WDPCP: variants seen among roughly 807,000 people sequenced by gnomAD.
WDPCP encodes the protein WD repeat-containing and planar cell polarity effector protein fritz homolog.
In WDPCP, 71 loss-of-function variants were observed where a neutral mutation model predicts 93.1. That is an observed-to-expected ratio of 0.76 (90% CI 0.63 to 0.93). The LOEUF (loss-of-function observed/expected upper bound fraction) is 0.93, where lower values mean the gene tolerates loss of function less well. Among genes scored for constraint, WDPCP ranks in the 40% least tolerant of loss-of-function variants. The pLI, the probability that WDPCP is intolerant of heterozygous loss-of-function variation, is 0.00. For missense variants in WDPCP, 844 were observed against 887.4 expected (o/e 0.95, Z 0.62); for synonymous variants, 315 against 315.0 (o/e 1.00, Z 0.00).
intron 1 of WDPCP, among the ~76,000 whole-genome samples, chr2:63,820,852 A>T (rs778565007): frequency 4.6e-5 from 7 of 152,156 alleles, no homozygotes; most frequent in Non-Finnish European, 7.4e-5. Flanking sequence ...AGTAAAAAAA[A>T]CAACAAACAA....
At chr2:63,797,751 TAGA>T (rs1264616631) in intron 2 of WDPCP, among the ~76,000 whole-genome samples, 1 of 151,920 alleles carries the variant, frequency 6.6e-6, no homozygotes, top group African/African-American at 2.4e-5. Flanking sequence ...GAGGTAGGAA[TAGA>T]AGGTTTACTC....
intron 3 of WDPCP, among the ~76,000 whole-genome samples, chr2:63,632,608 A>G (rs560970363): frequency 1.4e-4 from 21 of 152,334 alleles, no homozygotes; most frequent in African/African-American, 5.0e-4. Context: ...TCAACAGCAG[A>G]CTTGAACAAG....
intron 17 of WDPCP, among the ~76,000 whole-genome samples, chr2:63,127,044 C>G (rs1325612611): frequency 6.6e-6 from 1 of 151,256 alleles, no homozygotes. Flanking sequence ...ATATAAAATA[C>G]TTTAGTGAAA....
chr2:63,817,703 C>CA (rs950732168), intron 1 of WDPCP, among the ~76,000 whole-genome samples: 14 of 151,928 alleles, frequency 9.2e-5, no homozygotes, highest in African/African-American at 2.9e-4. Flanking sequence ...CGTCCCTTTA[C>CA]AAAAAAAAGT....
At chr2:63,690,384 C>T (rs1408242303) in intron 2 of WDPCP, among the ~76,000 whole-genome samples, 1 of 152,118 alleles carries the variant, frequency 6.6e-6, no homozygotes, top group Non-Finnish European at 1.5e-5. Flanking sequence ...ATTCCTGATT[C>T]TGTGCTTTTT....
chr2:63,685,905 A>G (rs767945683), intron 2 of WDPCP, among the ~76,000 whole-genome samples: 1 of 152,228 alleles, frequency 6.6e-6, no homozygotes, highest in African/African-American at 2.4e-5. Context: ...ACAATTCAAC[A>G]TAACTTCATG....
upstream of WDPCP, among the ~76,000 whole-genome samples, chr2:63,830,760 C>A (rs1671180063): frequency 6.6e-6 from 1 of 152,088 alleles, no homozygotes. Context: ...CTTCCTTATT[C>A]TCTCTCAGTT....
chr2:63,199,892 G>C (rs1675769808), intron 14 of WDPCP, among the ~76,000 whole-genome samples: 1 of 152,200 alleles, frequency 6.6e-6, no homozygotes, highest in South Asian at 2.1e-4. Flanking sequence ...AGCAGCTCAT[G>C]AAAGCAGCCA....
In WDPCP at chr2:63,779,284, C is replaced by T. The variant is rs562148112; in HGVS notation, n.308+34338G>A. On this transcript the variant is annotated intron_variant and non_coding_transcript_variant, in intron 2 of 4. Coordinates refer to the WDPCP transcript ENST00000467687. The stretch of plus-strand genomic sequence containing the variant: ...AATGCTGGAACTGTTTTCCAAAACA[C>T]GTAACCTATCGTATAAATGACTACT... Among the ~76,000 whole-genome samples, 11 of 152,254 alleles carry T rather than the reference C, an allele frequency of 7.2e-5. No individual in the cohort carries two copies. The South Asian group carries it at 2.1e-3, about 29-fold the overall frequency.
At chr2:63,748,706 G>T (rs1421724824) in intron 2 of WDPCP, among the ~76,000 whole-genome samples, 1 of 152,058 alleles carries the variant, frequency 6.6e-6, no homozygotes, top group African/African-American at 2.4e-5. Flanking sequence ...TAGCTGGTAT[G>T]TGAAATACAT....
intron 10 of WDPCP, among the ~76,000 whole-genome samples, chr2:63,395,790 C>T (rs916430623): frequency 6.6e-6 from 1 of 152,040 alleles, no homozygotes; most frequent in African/African-American, 2.4e-5. Context: ...TGCAATGGCG[C>T]GATTTCGGCT....
At chr2:63,413,786 A>AAAACAAACAAAC (rs35156273) in intron 9 of WDPCP, among the ~76,000 whole-genome samples, 1 of 150,504 alleles carries the variant, frequency 6.6e-6, no homozygotes, top group Admixed American at 6.6e-5. Context: ...TCTGTCTCAA[A>AAAACAAACAAAC]AAACAAACAA....
intron 14 of WDPCP, among the ~76,000 whole-genome samples, chr2:63,246,467 A>G (rs539322398): frequency 2.0e-5 from 3 of 152,312 alleles, no homozygotes; most frequent in South Asian, 4.1e-4. Flanking sequence ...TAATTCAGCC[A>G]TGTGACCAGG....
chr2:63,796,384 C>T (rs1670618033), intron 2 of WDPCP, among the ~76,000 whole-genome samples: 1 of 152,236 alleles, frequency 6.6e-6, no homozygotes, highest in African/African-American at 2.4e-5. Flanking sequence ...CTTAAAAAGG[C>T]ATCTTCATAA....
chr2:63,840,807 G>C, the WDPCP span: 3 of 152,686 alleles, frequency 2.0e-5, no homozygotes, highest in Non-Finnish European at 4.4e-5. Context: ...TCCCACGCGC[G>C]GTATCCCCGC....
intron 2 of WDPCP, among the ~76,000 whole-genome samples, chr2:63,719,358 A>G (rs1669383361): frequency 6.6e-6 from 1 of 152,146 alleles, no homozygotes; most frequent in African/African-American, 2.4e-5. Context: ...GAGAGGTTAA[A>G]TACCCTGACC....
chr2:63,830,473 G>C (rs919703861), upstream of WDPCP, among the ~76,000 whole-genome samples: 20 of 152,038 alleles, frequency 1.3e-4, no homozygotes, highest in Admixed American at 1.3e-3. Flanking sequence ...TAGAATTCTA[G>C]GTTAGAATAA....
chr2:63,691,107 C>T (rs1310738474), intron 2 of WDPCP, among the ~76,000 whole-genome samples: 1 of 152,164 alleles, frequency 6.6e-6, no homozygotes, highest in East Asian at 1.9e-4. Context: ...TTGCTCTCAA[C>T]TAAATCTCAC....
chr2:63,283,449 A>G (rs1413398992), intron 13 of WDPCP, among the ~76,000 whole-genome samples: 1 of 152,250 alleles, frequency 6.6e-6, no homozygotes, highest in Admixed American at 6.5e-5. Flanking sequence ...CTGTGAGCCA[A>G]ATACAGCCTA....
Sources: allele counts gnomAD v4.1 joint callset (sites outside exome capture counted in the v4.1 genomes callset), GRCh38; gene constraint gnomAD v4.1.1; transcripts MANE v1.5; gene names NCBI Gene and HGNC (gene_info 2026-07-23, HGNC 2026-07-21).